Variants in SH3TC2 observed in about 807,000 individuals in gnomAD.
SH3TC2 encodes the protein SH3 domain and tetratricopeptide repeat-containing protein 2.
A neutral mutation model predicts 124.5 loss-of-function variants in SH3TC2; 87 were observed. The ratio of observed to expected loss-of-function variants is 0.70; its 90% CI spans 0.59 to 0.84. The LOEUF is 0.84. SH3TC2 is among the 40% of genes least tolerant of loss of function. The pLI, the probability that SH3TC2 is intolerant of heterozygous loss-of-function variation, is 0.00. For missense variants in SH3TC2, 1,536 were observed against 1,566.4 expected (o/e 0.98, Z 0.33); for synonymous variants, 634 against 628.5 (o/e 1.01, Z -0.13).
chr5:149,032,234 G>T (rs1223677079), intron 8 of SH3TC2, among the ~76,000 whole-genome samples: 1 of 152,152 alleles, frequency 6.6e-6, no homozygotes, highest in Non-Finnish European at 1.5e-5. Flanking sequence ...CAACAGTTTA[G>T]TCAACATTAA....
At chr5:149,040,796 G>T in intron 6 of SH3TC2, 119 bp from the exon 7 acceptor site, 2 of 885,230 alleles carry the variant, frequency 2.3e-6, no homozygotes, top group Non-Finnish European at 1.8e-6. Flanking sequence ...TTATTTAAAT[G>T]ATGGCAAAAG....
chr5:149,010,465 A>C (rs1456046173), intron 13 of SH3TC2, 73 bp from the exon 14 acceptor site: 14 of 1,600,702 alleles, frequency 8.7e-6, no homozygotes, highest in South Asian at 3.3e-5. Flanking sequence ...GGCAGAGCTA[A>C]GACGCAGACC....
At chr5:149,017,209 TAGTAAATGCTC>T (rs1482409506) in intron 12 of SH3TC2, among the ~76,000 whole-genome samples, 1 of 152,216 alleles carries the variant, frequency 6.6e-6, no homozygotes, top group Non-Finnish European at 1.5e-5. Context: ...GCCTGGGCCA[TAGTAAATGCTC>T]GGTAAATATT....
At chr5:149,062,361 C>G (rs375362381) in intron 1 of SH3TC2, 8 of 534,084 alleles carry the variant, frequency 1.5e-5, no homozygotes, top group Non-Finnish European at 2.7e-5. Context: ...ACTGACATAT[C>G]CCAGCAAATT....
At chr5:149,021,028 T>G (rs1483335877) in intron 12 of SH3TC2, among the ~76,000 whole-genome samples, 2 of 152,152 alleles carry the variant, frequency 1.3e-5, no homozygotes, top group African/African-American at 2.4e-5. Flanking sequence ...ATAGACCATA[T>G]GTTGGGCCAC....
intron 8 of SH3TC2, 27 bp from the exon 9 acceptor site, chr5:149,031,714 C>A (rs1754197098): frequency 6.2e-7 from 1 of 1,613,306 alleles, no homozygotes; most frequent in Non-Finnish European, 8.5e-7. Flanking sequence ...AACACAGAGA[C>A]AGATTACTGC....
At position 149,027,315 on chromosome 5, in the gene SH3TC2, T is replaced by C. The variant is rs929720281; in HGVS notation, c.2417A>G (p.Tyr806Cys). ...CTTCTTGGCCTGGCTGGCTAAGAGA[T>C]AGGCCCATGCCAGGCAGAGAGAAGA... ...FESSLCLAWA[Y>C]LLASQAKKAL... is the part of the protein sequence containing the mutation. Residue 806 changes from tyrosine (Y) to cysteine (C), a missense_variant, in exon 11 of 17, where the codon TAT becomes TGT. Tyr to Cys is a radical substitution (Grantham distance 194). Around this residue, in one of 3 missense-constraint regions of SH3TC2, gnomAD observed 1,102 missense variants for 1,098.6 expected, o/e 1.00. Coordinates refer to ENST00000515425, the MANE Select transcript of SH3TC2 (RefSeq NM_024577.4). 2 of 1,614,018 alleles carry C rather than the reference T, an allele frequency of 1.2e-6. No homozygotes were observed. Among genetic ancestry groups the C allele is most frequent in the East Asian group, 2.2e-5 (1 of 44,880 alleles).
rs1194385898 is a variant in SH3TC2, at chr5:148,995,402, A to C, written c.*9309T>G. Reference sequence around the variant, plus strand: ...TGTGGGTAAATTACTTAGCACAACCATCATTACAGCTTCAGTAAAAGACCA... The same window carrying C: ...TGTGGGTAAATTACTTAGCACAACCCTCATTACAGCTTCAGTAAAAGACCA... On this transcript the variant is annotated 3_prime_UTR_variant, in exon 17 of 17. Transcript: ENST00000515425. Among the ~76,000 whole-genome samples, 1 of 152,216 alleles carries C rather than the reference A, an allele frequency of 6.6e-6. No homozygotes were observed. The highest frequency in any genetic ancestry group is 1.5e-5 in the Non-Finnish European group (1 of 68,034).
rs181346624 is a variant in SH3TC2, at chr5:148,993,848, G to A, written c.*10863C>T. On this transcript the variant is annotated 3_prime_UTR_variant, in exon 17 of 17. Coordinates refer to ENST00000515425, the MANE Select transcript of SH3TC2 (RefSeq NM_024577.4). ...CAAAGAAGTGTTCATTAACTTCTTCGCCCAAACAAGTACTCTTCTGAAATG... is the reference window on the plus strand; with the variant it reads ...CAAAGAAGTGTTCATTAACTTCTTCACCCAAACAAGTACTCTTCTGAAATG... Among the ~76,000 whole-genome samples the A allele has an allele frequency of 9.9e-5, 15 of 152,216 alleles. No homozygotes were observed. In the East Asian group the frequency reaches 1.3e-3, roughly 14 times the overall value.
intron 1 of SH3TC2, among the ~76,000 whole-genome samples, chr5:149,058,293 A>G (rs989431160): frequency 5.3e-5 from 8 of 152,190 alleles, no homozygotes; most frequent in African/African-American, 1.9e-4. Context: ...AGGCTGTAAC[A>G]TTTTGTATTC....
chr5:149,058,409 T>C (rs1754687835), intron 1 of SH3TC2, among the ~76,000 whole-genome samples: 1 of 152,202 alleles, frequency 6.6e-6, no homozygotes, highest in Admixed American at 6.5e-5. Flanking sequence ...CCATTTTATC[T>C]GATTGTTTCA....
rs1258783970 is a variant in SH3TC2 at position 148,988,938 on chromosome 5, T to C, written c.*15773A>G. On this transcript the variant is annotated 3_prime_UTR_variant, in exon 17 of 17. Coordinates refer to ENST00000515425, the MANE Select transcript of SH3TC2 (RefSeq NM_024577.4). ...GATGTCATTTGCAAGCAACCTTCTC[T>C]CTCACTCAAAATGTTTCCCTTATCT... Among the ~76,000 whole-genome samples the C allele has an allele frequency of 6.6e-6, 1 of 152,178 alleles. No individual in the cohort carries two copies. The highest frequency in any genetic ancestry group is 1.5e-5 in the Non-Finnish European group (1 of 68,036).
At position 148,999,076 on chromosome 5, in the gene SH3TC2, C is replaced by G. The variant is rs990464501; in HGVS notation, c.*5635G>C. ...TTCATACCAAGCCATCCATACATCT[C>G]GTCTCAATTAAAAGTCTGAGCAGAG... On this transcript the variant is annotated 3_prime_UTR_variant, in exon 17 of 17. Coordinates refer to ENST00000515425, the MANE Select transcript of SH3TC2 (RefSeq NM_024577.4). Among the ~76,000 whole-genome samples the G allele has an allele frequency of 6.6e-6, 1 of 152,184 alleles. No individual in the cohort carries two copies. The highest frequency in any genetic ancestry group is 2.4e-5 in the African/African-American group (1 of 41,444).
chr5:149,040,524 G>T, intron 7 of SH3TC2, 80 bp downstream of exon 7: 1 of 1,323,792 alleles, frequency 7.6e-7, no homozygotes, highest in South Asian at 1.2e-5. Flanking sequence ...CACATCAACT[G>T]ACTCCAAACC....
intron 12 of SH3TC2, among the ~76,000 whole-genome samples, chr5:149,015,849 ACT>A (rs1753863360): frequency 6.6e-6 from 1 of 152,096 alleles, no homozygotes; most frequent in African/African-American, 2.4e-5. Context: ...CTGAGGGCTG[ACT>A]CTGTGTGAGG....
Position 149,007,048 on chromosome 5 carries a change from G to A in SH3TC2, c.3508C>T (p.His1170Tyr). 6.2e-7 allele frequency: 1 copy of A among 1,614,210 alleles called. No individual in the cohort carries two copies. The highest frequency in any genetic ancestry group is 8.5e-7 in the Non-Finnish European group (1 of 1,180,040). Residue 1170 changes from histidine to tyrosine, a missense_variant, in exon 16 of 17, where the codon CAC (histidine) becomes TAC (tyrosine). His to Tyr is a moderately conservative substitution (Grantham distance 83, BLOSUM62 2). Transcript: ENST00000515425. Reference sequence around the variant, plus strand: ...GAGTAGTACACTGTAGCCAGGCGGTGAAAGGCCACCAGCTCTTGCCTCTGA... The same window carrying A: ...GAGTAGTACACTGTAGCCAGGCGGTAAAAGGCCACCAGCTCTTGCCTCTGA... ...GDQRQELVAFHRLATVYYSLH... is the reference protein window; with the variant it reads ...GDQRQELVAFYRLATVYYSLH...
intron 12 of SH3TC2, among the ~76,000 whole-genome samples, chr5:149,023,425 T>A (rs191614143): frequency 6.6e-6 from 1 of 152,182 alleles, no homozygotes; most frequent in Non-Finnish European, 1.5e-5. Flanking sequence ...TTATTTAAGA[T>A]AGAAAATATG....
chr5:149,016,178 T>C (rs1306735011), intron 12 of SH3TC2, among the ~76,000 whole-genome samples: 1 of 152,200 alleles, frequency 6.6e-6, no homozygotes, highest in Admixed American at 6.5e-5. Context: ...AGTACTATTA[T>C]CATATTCATT....
In SH3TC2 at chr5:149,004,320, C is replaced by G. The variant is rs117139060; in HGVS notation, c.*391G>C. On this transcript the variant is annotated 3_prime_UTR_variant, in exon 17 of 17. Coordinates refer to ENST00000515425, the MANE Select transcript of SH3TC2 (RefSeq NM_024577.4). The stretch of plus-strand genomic sequence containing the variant: ...TCCCTGAGAAAATCGGTGAAGAGCA[C>G]AAATTCCAATCTGCTTGCCTTTGCA... The G allele has an allele frequency of 2.3e-3, 463 of 204,844 alleles. 11 individuals carry two copies. In the East Asian group the frequency reaches 0.041, roughly 18 times the overall value. 12.7% of individuals were successfully genotyped at this position (204,844 alleles called of 1,614,324 possible). A position where few individuals can be genotyped will look rare whatever the true frequency, so the allele number is the denominator to read the frequency against.
Sources: gnomAD v4.1 joint callset for allele counts (sites outside exome capture counted in the v4.1 genomes callset) on GRCh38, gnomAD v4.1.1 for gene constraint, gnomAD v4.1.1 regional missense constraint, MANE v1.5 for transcripts, NCBI Gene and HGNC (gene_info 2026-07-23, HGNC 2026-07-21) for gene names.